CTNNA2: variants seen among roughly 807,000 people sequenced by gnomAD.
The protein encoded by CTNNA2 is catenin alpha 2.
Under a neutral mutation model 101.0 loss-of-function variants are expected in CTNNA2, and 42 were observed. That is an observed-to-expected ratio of 0.42 (90% CI 0.32 to 0.54). The LOEUF (loss-of-function observed/expected upper bound fraction) is 0.54, where lower values mean the gene tolerates loss of function less well. Ranked by LOEUF, CTNNA2 falls within the 20% of genes least tolerant of loss-of-function variation. The probability of loss-of-function intolerance (pLI) is 0.14; values close to 1 mark genes in which losing one functional copy is unlikely to be tolerated. For synonymous variants in CTNNA2, 450 were observed against 456.4 expected, an observed-to-expected ratio of 0.99 and a Z score of 0.18; for missense variants, 871 against 1,223.1, an observed-to-expected ratio of 0.71 and a Z score of 4.29.
At chr2:80,076,432 C>T (rs530274146) in intron 7 of CTNNA2, among the ~76,000 whole-genome samples, 2 of 152,172 alleles carry the variant, frequency 1.3e-5, no homozygotes, top group Non-Finnish European at 2.9e-5. Flanking sequence ...ATATGTGCCA[C>T]CATGCCTGGC....
At chr2:80,021,561 C>A (rs1354694527) in intron 7 of CTNNA2, among the ~76,000 whole-genome samples, 1 of 152,116 alleles carries the variant, frequency 6.6e-6, no homozygotes, top group Admixed American at 6.5e-5. Context: ...ATGGAAATGA[C>A]AGTTTATGGT....
chr2:79,700,609 A>G (rs1178990279), intron 2 of CTNNA2, among the ~76,000 whole-genome samples: 1 of 152,172 alleles, frequency 6.6e-6, no homozygotes, highest in East Asian at 1.9e-4. Context: ...TTGGGATGCC[A>G]TAAAATGAGC....
chr2:79,306,164 A>G (rs1301293218), intron 2 of CTNNA2, among the ~76,000 whole-genome samples: 1 of 152,146 alleles, frequency 6.6e-6, no homozygotes, highest in African/African-American at 2.4e-5. Context: ...TATCTCACTT[A>G]ACTGCAGAAT....
rs760577866 is a variant in CTNNA2 at position 80,608,165 on chromosome 2, C to T, written c.2296-19C>T. 2.5e-6 allele frequency: 4 copies of T among 1,592,826 alleles called. No individual in the cohort carries two copies. Among genetic ancestry groups the T allele is most frequent in the Non-Finnish European group, 3.4e-6 (4 of 1,164,502 alleles). Reference sequence around the variant, plus strand: ...GAAGAGTACTTACTAATCAAGATCACTCTTTTAATGTTTTATAGTGTCCTG... The same window carrying T: ...GAAGAGTACTTACTAATCAAGATCATTCTTTTAATGTTTTATAGTGTCCTG... On this transcript the variant is annotated intron_variant, in intron 16 of 18. Coordinates refer to ENST00000402739, the MANE Select transcript of CTNNA2 (RefSeq NM_001282597.3).
At chr2:80,160,563 A>G (rs1704251618) in intron 7 of CTNNA2, among the ~76,000 whole-genome samples, 2 of 152,150 alleles carry the variant, frequency 1.3e-5, no homozygotes, top group Admixed American at 1.3e-4. Context: ...AAATGATGTT[A>G]TATTTTTAAT....
chr2:79,338,244 T>TAAAAAAAAAAAAAAAA (rs1677040932), intron 3 of CTNNA2, among the ~76,000 whole-genome samples: 1 of 14,568 alleles, frequency 6.9e-5, no homozygotes, highest in East Asian at 6.5e-3. Context: ...AGACTCCATC[T>TAAAAAAAAAAAAAAAA]CAAAAAAAAA....
intron 1 of CTNNA2, among the ~76,000 whole-genome samples, chr2:79,584,915 T>A (rs1008802482): frequency 1.3e-5 from 2 of 152,214 alleles, no homozygotes; most frequent in African/African-American, 4.8e-5. Context: ...TTTTAAAAGC[T>A]GGTAGTTTTA....
intron 9 of CTNNA2, among the ~76,000 whole-genome samples, chr2:80,521,107 C>A (rs1689510914): frequency 6.6e-6 from 1 of 152,154 alleles, no homozygotes; most frequent in South Asian, 2.1e-4. Context: ...CCCTGACAGC[C>A]CTTGTGCTGG....
intron 1 of CTNNA2, among the ~76,000 whole-genome samples, chr2:79,536,958 T>C (rs62141445): frequency 0.075 from 11,460 of 152,154 alleles, 594 homozygotes; most frequent in Non-Finnish European, 0.11. Flanking sequence ...CACCTCCGCC[T>C]CCCCATGGAT....
chr2:80,319,307 GTTT>G (rs371545017), intron 7 of CTNNA2, among the ~76,000 whole-genome samples: 1 of 151,610 alleles, frequency 6.6e-6, no homozygotes, highest in East Asian at 1.9e-4. Flanking sequence ...ATACCAACCA[GTTT>G]TTTTTTGTTG....
intron 7 of CTNNA2, among the ~76,000 whole-genome samples, chr2:80,139,861 G>C (rs147521205): frequency 1.3e-5 from 2 of 152,210 alleles, no homozygotes; most frequent in East Asian, 3.9e-4. Flanking sequence ...GCTTGCTCTT[G>C]GGTGTTCTGC....
chr2:79,263,854 A>G (rs1389856097), intron 2 of CTNNA2, among the ~76,000 whole-genome samples: 1 of 152,148 alleles, frequency 6.6e-6, no homozygotes, highest in East Asian at 1.9e-4. Flanking sequence ...AGCCAAATAC[A>G]TTTCTATTGG....
At chr2:79,343,606 G>A (rs1049393599) in intron 3 of CTNNA2, among the ~76,000 whole-genome samples, 1 of 152,116 alleles carries the variant, frequency 6.6e-6, no homozygotes, top group Non-Finnish European at 1.5e-5. Flanking sequence ...CCTGGCCAAG[G>A]TGGCACACAC....
chr2:79,787,447 T>C (rs1275348990), intron 3 of CTNNA2, among the ~76,000 whole-genome samples: 1 of 152,092 alleles, frequency 6.6e-6, no homozygotes, highest in Admixed American at 6.6e-5. Flanking sequence ...TCATAAAAGA[T>C]GAAGTAAGCA....
At chr2:79,567,669 A>G (rs928851244) in intron 1 of CTNNA2, among the ~76,000 whole-genome samples, 13 of 152,010 alleles carry the variant, frequency 8.6e-5, no homozygotes, top group African/African-American at 3.1e-4. Flanking sequence ...AGAAGCAGCA[A>G]TGTTAGATGA....
chr2:79,813,880 G>A (rs1468198430), intron 3 of CTNNA2, among the ~76,000 whole-genome samples: 1 of 152,168 alleles, frequency 6.6e-6, no homozygotes, highest in East Asian at 1.9e-4. Flanking sequence ...TGCTTCTGGA[G>A]GCTAGAAGTT....
intron 4 of CTNNA2, among the ~76,000 whole-genome samples, chr2:79,441,433 T>A (rs550892864): frequency 6.6e-6 from 1 of 152,280 alleles, no homozygotes; most frequent in African/African-American, 2.4e-5. Flanking sequence ...GTCTCCACCA[T>A]ATGCATACCT....
intron 5 of CTNNA2, among the ~76,000 whole-genome samples, chr2:79,870,172 C>A (rs897884120): frequency 1.4e-4 from 22 of 152,178 alleles, no homozygotes; most frequent in African/African-American, 5.1e-4. Context: ...CTGGTGGACC[C>A]ACCCTGCTAG....
intron 18 of CTNNA2, among the ~76,000 whole-genome samples, chr2:80,637,732 A>G (rs140054710): frequency 6.6e-6 from 1 of 152,210 alleles, no homozygotes; most frequent in South Asian, 2.1e-4. Context: ...CATAGCTCCT[A>G]GGGCTTAGAT....
Sources: gnomAD v4.1 joint callset for allele counts (sites outside exome capture counted in the v4.1 genomes callset) on GRCh38, gnomAD v4.1.1 for gene constraint, MANE v1.5 for transcripts, NCBI Gene and HGNC (gene_info 2026-07-23, HGNC 2026-07-21) for gene names.